TENM2: variants seen among roughly 807,000 people sequenced by gnomAD.
The protein encoded by TENM2 is teneurin transmembrane protein 2, also known as teneurin-2.
In TENM2, 52 loss-of-function variants were observed where a neutral mutation model predicts 245.2. That is an observed-to-expected ratio of 0.21 (90% CI 0.17 to 0.27). TENM2 has a LOEUF of 0.27. TENM2 is among the 10% of genes least tolerant of loss of function. TENM2 has a pLI of 1.00. For synonymous variants in TENM2, 1,363 were observed against 1,438.9 expected (o/e 0.95, Z 1.19); for missense variants, 3,046 against 3,666.8 (o/e 0.83, Z 4.37).
At chr5:168,034,240 G>A (rs1335817372) in intron 5 of TENM2, among the ~76,000 whole-genome samples, 2 of 149,978 alleles carry the variant, frequency 1.3e-5, no homozygotes, top group African/African-American at 4.9e-5. Context: ...CTACTTGGGA[G>A]GCTGAGGCAG....
chr5:167,206,784 C>T, the TENM2 span, among the ~76,000 whole-genome samples: 2 of 152,230 alleles, frequency 1.3e-5, no homozygotes, highest in South Asian at 2.1e-4. Flanking sequence ...CTGTCAAGAT[C>T]GTGTGTTATT....
At chr5:167,640,860 C>CATAT (rs58985992) in intron 2 of TENM2, among the ~76,000 whole-genome samples, 923 of 46,944 alleles carry the variant, frequency 0.02, 74 homozygotes, top group Non-Finnish European at 0.037. Context: ...TATATATATC[C>CATAT]ATATATATAT....
At chr5:167,738,004 A>C (rs550514803) in intron 2 of TENM2, among the ~76,000 whole-genome samples, 1 of 152,188 alleles carries the variant, frequency 6.6e-6, no homozygotes, top group Admixed American at 6.5e-5. Flanking sequence ...CTGTGTTGTT[A>C]ATCAACCCTT....
At chr5:166,995,841 A>AT in the TENM2 span, among the ~76,000 whole-genome samples, 1 of 122,912 alleles carries the variant, frequency 8.1e-6, no homozygotes, top group South Asian at 2.5e-4. Context: ...AAAAAAAAAA[A>AT]ATTTCTGTTC....
At chr5:168,194,778 C>T (rs971737532) in intron 14 of TENM2, among the ~76,000 whole-genome samples, 1 of 152,014 alleles carries the variant, frequency 6.6e-6, no homozygotes, top group African/African-American at 2.4e-5. Context: ...GTAACATGGC[C>T]ATCCTCCAAA....
At chr5:167,323,166 G>A (rs188155516) in intron 1 of TENM2, among the ~76,000 whole-genome samples, 3 of 152,078 alleles carry the variant, frequency 2.0e-5, no homozygotes, top group South Asian at 4.2e-4. Context: ...GAGCTCGACC[G>A]AACTTTTGAG....
chr5:167,605,104 G>A (rs1776933258), intron 2 of TENM2, among the ~76,000 whole-genome samples: 1 of 152,076 alleles, frequency 6.6e-6, no homozygotes, highest in Admixed American at 6.6e-5. Flanking sequence ...TGCTGTCCAG[G>A]CCACATCACG....
the TENM2 span, among the ~76,000 whole-genome samples, chr5:167,010,443 G>C: frequency 6.6e-6 from 1 of 152,162 alleles, no homozygotes; most frequent in Non-Finnish European, 1.5e-5. Context: ...CCTCTGCCCA[G>C]AGATACTGTC....
At chr5:167,975,844 AG>A in intron 4 of TENM2, among the ~76,000 whole-genome samples, 1 of 151,644 alleles carries the variant, frequency 6.6e-6, no homozygotes, top group African/African-American at 2.4e-5. Flanking sequence ...AAAAAAAAAA[AG>A]CAACAGTGCC....
chr5:167,284,362 G>A (rs539414644), upstream of TENM2, among the ~76,000 whole-genome samples: 18 of 152,170 alleles, frequency 1.2e-4, no homozygotes, highest in East Asian at 3.3e-3. Flanking sequence ...TTTTGGAGGG[G>A]GGGTGGTATT....
chr5:167,400,955 G>A (rs1561925409), intron 2 of TENM2, among the ~76,000 whole-genome samples: 1 of 152,058 alleles, frequency 6.6e-6, no homozygotes, highest in South Asian at 2.1e-4. Flanking sequence ...GCTGGGCGTG[G>A]TGGCTCATGC....
At chr5:167,796,177 T>G (rs1765302696) in intron 2 of TENM2, among the ~76,000 whole-genome samples, 1 of 152,246 alleles carries the variant, frequency 6.6e-6, no homozygotes, top group Non-Finnish European at 1.5e-5. Flanking sequence ...GGTGGCCTCC[T>G]ATCTAATCTA....
chr5:167,581,146 A>G (rs1055930531), intron 2 of TENM2, among the ~76,000 whole-genome samples: 4 of 152,192 alleles, frequency 2.6e-5, no homozygotes, highest in Non-Finnish European at 4.4e-5. Context: ...TGTCATCTCT[A>G]TTTGACAAAC....
chr5:167,572,766 A>C (rs748400872), intron 2 of TENM2, among the ~76,000 whole-genome samples: 2 of 152,224 alleles, frequency 1.3e-5, no homozygotes, highest in Non-Finnish European at 2.9e-5. Flanking sequence ...CTTCGTGTCA[A>C]AAATGGAACC....
intron 2 of TENM2, among the ~76,000 whole-genome samples, chr5:167,469,200 A>G (rs1766854275): frequency 2.0e-5 from 3 of 152,104 alleles, no homozygotes; most frequent in African/African-American, 7.2e-5. Context: ...CAAACTAGGG[A>G]TTAGTCCTAA....
intron 2 of TENM2, among the ~76,000 whole-genome samples, chr5:167,475,122 G>C (rs916048351): frequency 1.3e-5 from 2 of 152,160 alleles, no homozygotes; most frequent in South Asian, 4.1e-4. Flanking sequence ...CCTTTGAGAA[G>C]GATTGACCTT....
At chr5:167,537,950 A>G (rs185227021) in intron 2 of TENM2, among the ~76,000 whole-genome samples, 15 of 152,366 alleles carry the variant, frequency 9.8e-5, no homozygotes, top group African/African-American at 3.6e-4. Flanking sequence ...CTGTCAAACA[A>G]GCAGTCAGCT....
chr5:167,208,167 C>T, the TENM2 span, among the ~76,000 whole-genome samples: 15 of 150,072 alleles, frequency 1.0e-4, no homozygotes, highest in Non-Finnish European at 1.6e-4. Flanking sequence ...AAGATGTGTA[C>T]GTGTTGAGGG....
chr5:167,186,152 CT>C, the TENM2 span, among the ~76,000 whole-genome samples: 3 of 152,088 alleles, frequency 2.0e-5, no homozygotes, highest in African/African-American at 7.2e-5. Flanking sequence ...AAAGATCAAC[CT>C]TTTTTTCCTC....
Sources: allele counts gnomAD v4.1 joint callset (sites outside exome capture counted in the v4.1 genomes callset), GRCh38; gene constraint gnomAD v4.1.1; transcripts MANE v1.5; gene names NCBI Gene and HGNC (gene_info 2026-07-23, HGNC 2026-07-21).